The following TNPO3 variants were observed in gnomAD, a reference collection of about 807,000 sequenced individuals.
The protein encoded by TNPO3 is transportin-3.
TNPO3 carries 65 observed loss-of-function variants against 122.8 expected under a neutral mutation model. The ratio of observed to expected loss-of-function variants is 0.53; its 90% CI spans 0.43 to 0.65. TNPO3 has a LOEUF of 0.65. Among genes scored for constraint, TNPO3 ranks in the 30% least tolerant of loss-of-function variants. The pLI, the probability that TNPO3 is intolerant of heterozygous loss-of-function variation, is 0.00. For missense variants in TNPO3, 850 were observed against 1,136.7 expected (o/e 0.75, Z 3.63); for synonymous variants, 372 against 411.2 (o/e 0.90, Z 1.15).
chr7:129,053,411 C>G (rs1293335050), intron 1 of TNPO3, among the ~76,000 whole-genome samples: 1 of 149,496 alleles, frequency 6.7e-6, no homozygotes, highest in East Asian at 2.0e-4. Context: ...AGGAGAATCT[C>G]TTGAACCCGG....
At chr7:129,004,815 T>C (rs977257538) in intron 5 of TNPO3, among the ~76,000 whole-genome samples, 1 of 152,236 alleles carries the variant, frequency 6.6e-6, no homozygotes, top group Non-Finnish European at 1.5e-5. Context: ...GTTTTCCTCT[T>C]AAACATAACT....
intron 4 of TNPO3, among the ~76,000 whole-genome samples, chr7:129,008,885 GTACAT>G (rs1322365700): frequency 6.6e-6 from 1 of 152,146 alleles, no homozygotes; most frequent in African/African-American, 2.4e-5. Flanking sequence ...GGATTTGCTT[GTACAT>G]TCTAACTATT....
At chr7:128,987,730 G>C (rs111482383) in intron 11 of TNPO3, among the ~76,000 whole-genome samples, 1 of 151,878 alleles carries the variant, frequency 6.6e-6, no homozygotes, top group African/African-American at 2.4e-5. Flanking sequence ...ACAGGCATGC[G>C]TCAAGCCCAG....
chr7:128,993,151 GGTTA>G (rs3993428), intron 9 of TNPO3, among the ~76,000 whole-genome samples: 4,721 of 149,944 alleles, frequency 0.031, 245 homozygotes, highest in African/African-American at 0.11. Flanking sequence ...AAAAAAATTA[GGTTA>G]GTTTAGTATT....
At chr7:129,023,837 G>A (rs972584055) in intron 1 of TNPO3, among the ~76,000 whole-genome samples, 2 of 152,116 alleles carry the variant, frequency 1.3e-5, no homozygotes, top group Admixed American at 6.5e-5. Context: ...TATTCTAATG[G>A]CAACAACCAC....
intron 21 of TNPO3, among the ~76,000 whole-genome samples, chr7:128,961,599 C>T (rs1797465065): frequency 6.6e-6 from 1 of 152,142 alleles, no homozygotes; most frequent in Non-Finnish European, 1.5e-5. Context: ...TCTTAGCTTT[C>T]TATTTATTTA....
chr7:129,041,135 C>T (rs1047597346), intron 1 of TNPO3, among the ~76,000 whole-genome samples: 1 of 151,968 alleles, frequency 6.6e-6, no homozygotes, highest in Non-Finnish European at 1.5e-5. Context: ...GAGGCCTAGG[C>T]AGGAGGCTTG....
chr7:128,973,806 A>G (rs1284565658), intron 18 of TNPO3, among the ~76,000 whole-genome samples: 2 of 24,406 alleles, frequency 8.2e-5, no homozygotes, highest in African/African-American at 2.7e-4. Context: ...TATCAACTGA[A>G]AAAAAAAAAA....
chr7:129,048,824 T>C (rs1027522917), intron 1 of TNPO3, among the ~76,000 whole-genome samples: 14 of 152,210 alleles, frequency 9.2e-5, no homozygotes, highest in Non-Finnish European at 2.1e-4. Flanking sequence ...CTTCTGACAA[T>C]CAACATTTTT....
intron 1 of TNPO3, among the ~76,000 whole-genome samples, chr7:129,039,008 T>C (rs1461246919): frequency 2.0e-5 from 3 of 152,150 alleles, no homozygotes; most frequent in Non-Finnish European, 4.4e-5. Flanking sequence ...AGAACTTGAA[T>C]AGACATTTCT....
intron 21 of TNPO3, among the ~76,000 whole-genome samples, chr7:128,964,390 CAG>C (rs928620811): frequency 8.1e-5 from 11 of 136,042 alleles, no homozygotes; most frequent in Non-Finnish European, 1.5e-4. Context: ...GGCTGGAGTG[CAG>C]TGGTGCAATC....
rs1342275392 is a variant in TNPO3, at chr7:129,005,057, T to C, written c.655A>G (p.Met219Val). 3 of 1,613,802 alleles carry C rather than the reference T, an allele frequency of 1.9e-6. No homozygotes were observed. The highest frequency in any genetic ancestry group is 3.3e-5 in the Admixed American group (2 of 60,006). ...FNLGVLDSNF[M>V]ANNKLLALLF... ...AGTGCTAGTAATTTATTGTTAGCCA[T>C]GAAGTTACTGTCCAAAACTCCCAAG... The change falls in exon 5 of 23, where the codon ATG becomes GTG. Residue 219 changes from methionine to valine, a missense_variant. By Grantham distance (21) the Met-to-Val change is conservative (BLOSUM62 1). Coordinates refer to ENST00000265388, the MANE Select transcript of TNPO3 (RefSeq NM_012470.4).
chr7:128,960,764 A>ATTC, intron 21 of TNPO3, among the ~76,000 whole-genome samples: 1 of 151,280 alleles, frequency 6.6e-6, no homozygotes, highest in South Asian at 2.1e-4. Context: ...TATTATTATT[A>ATTC]TTATTATTAT....
At chr7:128,969,353 C>T (rs998320568) in intron 20 of TNPO3, among the ~76,000 whole-genome samples, 3 of 152,052 alleles carry the variant, frequency 2.0e-5, no homozygotes, top group African/African-American at 7.2e-5. Context: ...GTGTATTGAA[C>T]CAGAGAGGAA....
At chr7:129,035,117 A>T (rs949815036) in intron 1 of TNPO3, among the ~76,000 whole-genome samples, 3 of 151,276 alleles carry the variant, frequency 2.0e-5, no homozygotes, top group Non-Finnish European at 4.4e-5. Flanking sequence ...TACTAAAAAT[A>T]CAAAAAATTA....
intron 1 of TNPO3, among the ~76,000 whole-genome samples, chr7:129,036,158 T>C (rs1414286303): frequency 6.6e-6 from 1 of 152,106 alleles, no homozygotes; most frequent in East Asian, 1.9e-4. Flanking sequence ...TTTCACCATA[T>C]TGGCCAGGCT....
At position 128,963,741 on chromosome 7, in the gene TNPO3, A is replaced by G. The variant is rs114666143; in HGVS notation, c.2711+3539T>C. Among the ~76,000 whole-genome samples, 818 of 152,370 alleles carry G rather than the reference A, an allele frequency of 5.4e-3. 7 individuals are homozygous for G. The highest frequency in any genetic ancestry group is 0.019 in the African/African-American group (790 of 41,582). On this transcript the variant is annotated intron_variant, in intron 21 of 22. Coordinates refer to ENST00000265388, the MANE Select transcript of TNPO3 (RefSeq NM_012470.4). ...ATTGCTGGAGACATTCCAGAAGATG[A>G]GAAAGTAAACTATTTTGGAAAGTGA...
intron 8 of TNPO3, among the ~76,000 whole-genome samples, chr7:128,995,313 CACTTCTGTAAA>C (rs987160228): frequency 2.6e-5 from 4 of 152,172 alleles, no homozygotes; most frequent in Non-Finnish European, 5.9e-5. Context: ...TATTCTGACA[CACTTCTGTAAA>C]CAGAGTTACC....
At chr7:128,996,997 T>A (rs1801405699) in intron 8 of TNPO3, among the ~76,000 whole-genome samples, 1 of 152,148 alleles carries the variant, frequency 6.6e-6, no homozygotes, top group Admixed American at 6.5e-5. Flanking sequence ...GGAAAAGAAT[T>A]ACTGGTTTAG....
Sources: allele counts gnomAD v4.1 joint callset (sites outside exome capture counted in the v4.1 genomes callset), GRCh38; gene constraint gnomAD v4.1.1; transcripts MANE v1.5; gene names NCBI Gene and HGNC (gene_info 2026-07-23, HGNC 2026-07-21).